Variants in SLC24A4 observed in about 807,000 individuals in gnomAD.
SLC24A4 encodes sodium/potassium/calcium exchanger 4.
In SLC24A4, 53 loss-of-function variants were observed where a neutral mutation model predicts 79.0. That is an observed-to-expected ratio of 0.67 (90% CI 0.54 to 0.84). The LOEUF (loss-of-function observed/expected upper bound fraction) is 0.84. SLC24A4 is among the 40% of genes least tolerant of loss of function. The probability of loss-of-function intolerance (pLI) is 0.00; values close to 1 mark genes in which losing one functional copy is unlikely to be tolerated. For missense variants in SLC24A4, 731 were observed against 822.0 expected (o/e 0.89, Z 1.35); for synonymous variants, 323 against 323.8 (o/e 1.00, Z 0.03).
intron 13 of SLC24A4, among the ~76,000 whole-genome samples, chr14:92,485,667 A>G (rs986369321): frequency 7.7e-5 from 11 of 142,882 alleles, no homozygotes; most frequent in African/African-American, 1.1e-4. Flanking sequence ...CATTACAAGT[A>G]AAAAAAAAAA....
At chr14:92,437,223 C>G (rs1284889702) in intron 3 of SLC24A4, among the ~76,000 whole-genome samples, 1 of 152,252 alleles carries the variant, frequency 6.6e-6, no homozygotes, top group Non-Finnish European at 1.5e-5. Flanking sequence ...TTTCCACTCT[C>G]TCTATTCTAC....
intron 12 of SLC24A4, among the ~76,000 whole-genome samples, chr14:92,461,444 A>G (rs567474088): frequency 6.6e-6 from 1 of 152,342 alleles, no homozygotes; most frequent in Admixed American, 6.5e-5. Context: ...TCACATTTCT[A>G]GAGGCTGCAA....
intron 2 of SLC24A4, among the ~76,000 whole-genome samples, chr14:92,372,935 C>CTT (rs1566722014): frequency 6.4e-4 from 63 of 97,978 alleles, no homozygotes; most frequent in African/African-American, 2.1e-3. Flanking sequence ...CTCTTTCTTT[C>CTT]TTTTTCTCTC....
chr14:92,360,271 C>G (rs762528282), intron 2 of SLC24A4, among the ~76,000 whole-genome samples: 10 of 152,024 alleles, frequency 6.6e-5, no homozygotes, highest in Non-Finnish European at 1.5e-4. Flanking sequence ...GGGTCTCATT[C>G]TGTCACCCAG....
At chr14:92,391,735 G>A (rs1889471518) in intron 2 of SLC24A4, among the ~76,000 whole-genome samples, 1 of 152,264 alleles carries the variant, frequency 6.6e-6, no homozygotes, top group Non-Finnish European at 1.5e-5. Flanking sequence ...AAGCTTTGCA[G>A]CTGTCATCTG....
At chr14:92,442,062 G>A in intron 4 of SLC24A4, 27 bp from the exon 5 acceptor site, 1 of 1,597,220 alleles carries the variant, frequency 6.3e-7, no homozygotes, top group Non-Finnish European at 8.6e-7. Flanking sequence ...GTCACACCCT[G>A]AGGGTCTGTG....
chr14:92,365,749 G>A (rs942334096), intron 2 of SLC24A4, among the ~76,000 whole-genome samples: 56 of 152,200 alleles, frequency 3.7e-4, no homozygotes, highest in African/African-American at 1.4e-3. Context: ...TGTGTCGGCT[G>A]CTGTTCTTGG....
At chr14:92,443,744 G>T (rs1892634808) in intron 7 of SLC24A4, among the ~76,000 whole-genome samples, 1 of 152,240 alleles carries the variant, frequency 6.6e-6, no homozygotes, top group African/African-American at 2.4e-5. Flanking sequence ...AAACCAGTCA[G>T]AAATGGTACA....
Position 92,325,879 on chromosome 14 carries a change from G to A in SLC24A4, c.142G>A (p.Ala48Thr). Residue 48 changes from alanine to threonine, a missense_variant, in exon 2 of 17, where the codon GCT becomes ACT. Transcript: ENST00000532405. ...ATTTTCCAATCCAGGGCACAAAACA[G>A]CTTCTGCTAGCAAACGTGTCCTGCC... Reference protein sequence around the residue: ...GLFGSLGHKTASASKRVLPDT... With the variant: ...GLFGSLGHKTTSASKRVLPDT... 2 of 1,608,866 alleles carry A rather than the reference G, an allele frequency of 1.2e-6. No homozygotes were observed. Among genetic ancestry groups the A allele is most frequent in the African/African-American group, 1.3e-5 (1 of 74,986 alleles).
chr14:92,328,455 G>A (rs1012256379), intron 2 of SLC24A4, among the ~76,000 whole-genome samples: 4 of 152,214 alleles, frequency 2.6e-5, no homozygotes, highest in African/African-American at 4.8e-5. Context: ...GCGCTGGCCC[G>A]GTGTCCTTCT....
intron 2 of SLC24A4, among the ~76,000 whole-genome samples, chr14:92,416,117 T>C (rs1890968290): frequency 7.7e-6 from 1 of 129,740 alleles, no homozygotes; most frequent in African/African-American, 3.2e-5. Context: ...TGTATTTGTG[T>C]GTGTGGTGTG....
At position 92,346,110 on chromosome 14, in the gene SLC24A4, G is replaced by A. The variant is rs111698772; in HGVS notation, c.241+20132G>A. 5.6e-3 allele frequency among the ~76,000 whole-genome samples: 845 copies of A among 152,180 alleles called. 10 individuals carry two copies. Among genetic ancestry groups the A allele is most frequent in the African/African-American group, 0.02 (822 of 41,496 alleles). ...CAGGAAGCGCCGGGGCCCTGAGGAG[G>A]GCACGTGTTTGTCTGTCCTGTGAAC... On this transcript the variant is annotated intron_variant, in intron 2 of 16. Coordinates refer to ENST00000532405, the MANE Select transcript of SLC24A4 (RefSeq NM_153646.4).
intron 2 of SLC24A4, among the ~76,000 whole-genome samples, chr14:92,420,152 T>C (rs1012169997): frequency 3.3e-5 from 5 of 152,138 alleles, no homozygotes; most frequent in African/African-American, 1.2e-4. Flanking sequence ...TGTCGACACT[T>C]TGATATTGAA....
Position 92,416,774 on chromosome 14 carries a change from C to T in SLC24A4, c.242-17138C>T, listed in dbSNP as rs184462592. ...GGAAAGCCAAGAATAAAATCCAGACCCTGGTGACTCTTTAGTGGAAATGTT... is the reference window on the plus strand; with the variant it reads ...GGAAAGCCAAGAATAAAATCCAGACTCTGGTGACTCTTTAGTGGAAATGTT... On this transcript the variant is annotated intron_variant, in intron 2 of 16. Coordinates refer to ENST00000532405, the MANE Select transcript of SLC24A4 (RefSeq NM_153646.4). Among the ~76,000 whole-genome samples the T allele has an allele frequency of 2.8e-3, 424 of 152,248 alleles. 1 individual carries two copies. The highest frequency in any genetic ancestry group is 9.3e-3 in the African/African-American group (388 of 41,554).
intron 2 of SLC24A4, among the ~76,000 whole-genome samples, chr14:92,412,905 C>G (rs1890797987): frequency 1.3e-5 from 2 of 152,048 alleles, no homozygotes; most frequent in South Asian, 4.2e-4. Flanking sequence ...AATGATTGGA[C>G]AAAGTTAAAA....
chr14:92,455,518 T>C (rs1893405660), intron 11 of SLC24A4, among the ~76,000 whole-genome samples: 1 of 152,236 alleles, frequency 6.6e-6, no homozygotes, highest in Non-Finnish European at 1.5e-5. Flanking sequence ...TATACATTAA[T>C]ACTTGAATCC....
At chr14:92,432,987 AT>A (rs942836915) in intron 2 of SLC24A4, among the ~76,000 whole-genome samples, 108 of 152,198 alleles carry the variant, frequency 7.1e-4, no homozygotes, top group Admixed American at 7.2e-4. Flanking sequence ...ACATATTGTT[AT>A]TTTTGTTAAT....
rs374967052 is a variant in SLC24A4, at chr14:92,494,069, A to G, written c.*441A>G. ...TGTTCTCAAGTGTCACCTCCAGCCC[A>G]GAGGTGGTTCCTTAGGCAGCATGTG... On this transcript the variant is annotated 3_prime_UTR_variant, in exon 17 of 17. Transcript: ENST00000532405. This position sits in a 1 kb window ranked among gnomAD's most constrained non-coding sequence, Gnocchi z 4.6. 7 of 164,672 alleles carry G rather than the reference A, an allele frequency of 4.3e-5. No homozygotes were observed. The East Asian group carries it at 8.6e-4, about 20-fold the overall frequency. The allele number at this position is 164,672 out of a possible 1,614,324, so 10.2% of individuals were successfully genotyped here.
intron 2 of SLC24A4, among the ~76,000 whole-genome samples, chr14:92,408,632 C>T (rs911115316): frequency 1.4e-5 from 2 of 146,660 alleles, no homozygotes; most frequent in African/African-American, 5.1e-5. Context: ...TCAGTTTTCT[C>T]ATTTGCAAAA....
Sources: gnomAD v4.1 joint callset for allele counts (sites outside exome capture counted in the v4.1 genomes callset) on GRCh38, gnomAD v4.1.1 for gene constraint, Gnocchi (gnomAD v3.1) non-coding constraint, MANE v1.5 for transcripts, NCBI Gene and HGNC (gene_info 2026-07-23, HGNC 2026-07-21) for gene names.